ICE2: variants seen among roughly 807,000 people sequenced by gnomAD.
The protein encoded by ICE2 is interactor of little elongation complex ELL subunit 2.
ICE2 carries 87 observed loss-of-function variants against 105.4 expected under a neutral mutation model. The ratio of observed to expected loss-of-function variants is 0.83; its 90% CI spans 0.69 to 0.99. ICE2 has a LOEUF of 0.99. Ranked by LOEUF, ICE2 falls within the 50% of genes least tolerant of loss-of-function variation. The pLI, the probability that ICE2 is intolerant of heterozygous loss-of-function variation, is 0.00. For synonymous variants in ICE2, 399 were observed against 392.0 expected (o/e 1.02, Z -0.21); for missense variants, 1,323 against 1,146.7 (o/e 1.15, Z -2.22).
At chr15:60,475,518 TA>T (rs1230286982) in intron 3 of ICE2, among the ~76,000 whole-genome samples, 1 of 152,052 alleles carries the variant, frequency 6.6e-6, no homozygotes, top group Non-Finnish European at 1.5e-5. Flanking sequence ...TTAAATGAAT[TA>T]AAAGTACATC....
In ICE2 at chr15:60,475,699, C is replaced by T. The variant is rs566469710; in HGVS notation, c.146+364G>A. ...TTATATACCTGTATATGTATGTGTG[C>T]GTGTACACGTTATAAACAGTATACT... On this transcript the variant is annotated intron_variant, in intron 3 of 15. Coordinates refer to ENST00000261520, the MANE Select transcript of ICE2 (RefSeq NM_024611.6). Among the ~76,000 whole-genome samples the T allele has an allele frequency of 1.2e-4, 18 of 151,878 alleles. 1 individual carries two copies. The South Asian group carries it at 2.3e-3, about 19-fold the overall frequency.
At chr15:60,472,228 C>G (rs1045748989) in intron 3 of ICE2, among the ~76,000 whole-genome samples, 1 of 151,974 alleles carries the variant, frequency 6.6e-6, no homozygotes. Flanking sequence ...TGTAAAAACA[C>G]TATTCGAGTT....
At position 60,449,321 on chromosome 15, in the gene ICE2, T is replaced by C. The variant is rs774947120; in HGVS notation, c.1646A>G (p.Asp549Gly). 4 of 1,613,144 alleles carry C rather than the reference T, an allele frequency of 2.5e-6. No individual in the cohort carries two copies. The highest frequency in any genetic ancestry group is 3.4e-6 in the Non-Finnish European group (4 of 1,180,002). Residue 549 changes from aspartate to glycine, a missense_variant, in exon 10 of 16, where the codon GAC (aspartate) becomes GGC (glycine). By Grantham distance (94) the Asp-to-Gly change is moderately conservative. Coordinates refer to ENST00000261520, the MANE Select transcript of ICE2 (RefSeq NM_024611.6). ...GERPNVLENL[D>G]NSKEKTVGSE... Reference sequence around the variant, plus strand: ...TCCAACAGTCTTTTCCTTTGAGTTGTCTAGGTTTTCTAGAACATTAGGTCT... The same window carrying C: ...TCCAACAGTCTTTTCCTTTGAGTTGCCTAGGTTTTCTAGAACATTAGGTCT...
intron 12 of ICE2, chr15:60,440,894 G>A (rs1397904108): frequency 6.6e-6 from 1 of 152,100 alleles, no homozygotes; most frequent in Admixed American, 6.6e-5. Context: ...GAAATGAAAG[G>A]CTCACAAGAG....
At chr15:60,457,379 T>C (rs2064155008) in intron 5 of ICE2, among the ~76,000 whole-genome samples, 1 of 152,162 alleles carries the variant, frequency 6.6e-6, no homozygotes, top group African/African-American at 2.4e-5. Flanking sequence ...CTTCTGATAA[T>C]ATAGAAACAA....
chr15:60,424,851 T>A (rs2063306977), intron 15 of ICE2, among the ~76,000 whole-genome samples: 1 of 152,234 alleles, frequency 6.6e-6, no homozygotes, highest in Non-Finnish European at 1.5e-5. Context: ...TGTAGTCATG[T>A]TAAAGATGTG....
chr15:60,471,854 T>C (rs1422011223), intron 3 of ICE2, among the ~76,000 whole-genome samples: 2 of 152,060 alleles, frequency 1.3e-5, no homozygotes, highest in African/African-American at 4.8e-5. Context: ...AAGTACTGGT[T>C]TGGTAGCTTA....
At position 60,466,683 on chromosome 15, in the gene ICE2, T is replaced by A. The variant is rs1309192022; in HGVS notation, c.439A>T (p.Thr147Ser). 7 of 1,608,968 alleles carry A rather than the reference T, an allele frequency of 4.4e-6. No homozygotes were observed. Among genetic ancestry groups the A allele is most frequent in the Non-Finnish European group, 5.9e-6 (7 of 1,178,764 alleles). ...TTCTGCAAAAACTTTAGGAACTCAG[T>A]AACTTCTTCGTTCACATGTTTTTTC... Reference protein sequence around the residue: ...DMKKHVNEEVTEFLKFLQNSA... With the variant: ...DMKKHVNEEVSEFLKFLQNSA... The change falls in exon 5 of 16, where the codon ACT (threonine) becomes TCT (serine). Residue 147 changes from threonine to serine, a missense_variant. By Grantham distance (58) the Thr-to-Ser change is moderately conservative. Coordinates refer to ENST00000261520, the MANE Select transcript of ICE2 (RefSeq NM_024611.6).
chr15:60,436,172 TTC>T lies in ICE2; in HGVS notation c.2479_2480del (p.Glu827ArgfsTer16). On this transcript the variant is annotated frameshift_variant, in exon 13 of 16. Coordinates refer to ENST00000261520, the MANE Select transcript of ICE2 (RefSeq NM_024611.6). LOFTEE classifies it high-confidence loss of function. Reference protein sequence around the residue: ...KLFLLEEITSEELKEKLSALK... With the variant: ...KLFLLEEITSXELKEKLSALK... ...GTGCTGAAAGCTTTTCTTTTAATTCTTCTGAGGTAATTTCTTCCAGTAGAAAA... is the reference window on the plus strand; with the variant it reads ...GTGCTGAAAGCTTTTCTTTTAATTCTTGAGGTAATTTCTTCCAGTAGAAAA... The T allele has an allele frequency of 1.4e-6, 2 of 1,474,394 alleles. No individual in the cohort carries two copies. The highest frequency in any genetic ancestry group is 1.8e-6 in the Non-Finnish European group (2 of 1,095,726). The allele number at this position is 1,474,394 out of a possible 1,614,324, so 91.3% of individuals were successfully genotyped here.
rs189812536 is a variant in ICE2, at chr15:60,443,385, T to A, written c.2296-840A>T. Among the ~76,000 whole-genome samples the A allele has an allele frequency of 2.0e-5, 3 of 152,382 alleles. No individual in the cohort carries two copies. The South Asian group carries it at 6.2e-4, about 32-fold the overall frequency. ...TTATACTGTGTCACCATTTACAGAT[T>A]TGAAAATATTTCATCAGTATTTCTT... On this transcript the variant is annotated intron_variant, in intron 11 of 15. Coordinates refer to ENST00000261520, the MANE Select transcript of ICE2 (RefSeq NM_024611.6).
chr15:60,427,658 C>T (rs1009785339), intron 15 of ICE2, among the ~76,000 whole-genome samples: 6 of 152,172 alleles, frequency 3.9e-5, no homozygotes, highest in African/African-American at 1.4e-4. Context: ...CTCAAATGAT[C>T]CACCCGCCTT....
Position 60,456,780 on chromosome 15 carries a change from A to G in ICE2, c.543T>C (p.Ala181=). 1 of 1,495,578 alleles carries G rather than the reference A, an allele frequency of 6.7e-7. No individual in the cohort carries two copies. The highest frequency in any genetic ancestry group is 8.9e-7 in the Non-Finnish European group (1 of 1,123,034). The allele number at this position is 1,495,578 out of a possible 1,614,324, so 92.6% of individuals were successfully genotyped here. ...ARLFTEKILR[A]CIEQVKKYSE... ...AATACTTTTTCACTTGTTCAATGCA[A>G]GCTCTTAAAATTTTCTGAGAAACAG... is the stretch of plus-strand genomic sequence containing the variant. Residue 181 remains alanine (A), a synonymous_variant, in exon 6 of 16, where the codon GCT becomes GCC. Coordinates refer to ENST00000261520, the MANE Select transcript of ICE2 (RefSeq NM_024611.6).
intron 3 of ICE2, among the ~76,000 whole-genome samples, chr15:60,470,287 C>T (rs1223382248): frequency 6.6e-6 from 1 of 152,138 alleles, no homozygotes; most frequent in Admixed American, 6.5e-5. Flanking sequence ...CCAAAGTGAA[C>T]ACACCAAATA....
intron 8 of ICE2, 157 bp downstream of exon 8, chr15:60,454,846 C>A (rs2064057970): frequency 1.7e-6 from 1 of 577,962 alleles, no homozygotes; most frequent in Non-Finnish European, 2.9e-6. Context: ...CTAATGCTCT[C>A]TCTCACCTTG....
intron 5 of ICE2, among the ~76,000 whole-genome samples, chr15:60,463,227 C>T (rs1291306846): frequency 6.6e-6 from 1 of 152,250 alleles, no homozygotes; most frequent in East Asian, 1.9e-4. Flanking sequence ...GTATATCGAA[C>T]AGAAACGTGT....
At chr15:60,437,301 A>G (rs2063616566) in intron 12 of ICE2, among the ~76,000 whole-genome samples, 1 of 151,896 alleles carries the variant, frequency 6.6e-6, no homozygotes, top group African/African-American at 2.4e-5. Context: ...AAGATTTCCC[A>G]AAGTTAAAAA....
chr15:60,460,393 TAGGCCGAGGC>T (rs755649691), intron 5 of ICE2, among the ~76,000 whole-genome samples: 2 of 152,088 alleles, frequency 1.3e-5, no homozygotes, highest in African/African-American at 2.4e-5. Context: ...AGCTACTCGG[TAGGCCGAGGC>T]AGGAGAGTTG....
intron 13 of ICE2, 105 bp from the exon 14 acceptor site, chr15:60,432,089 C>G: frequency 1.8e-6 from 1 of 547,744 alleles, no homozygotes; most frequent in Middle Eastern, 3.8e-4. Flanking sequence ...ACAACAAAAA[C>G]AGCGGATGAG....
At chr15:60,430,574 T>C (rs2063434509) in intron 14 of ICE2, among the ~76,000 whole-genome samples, 3 of 152,266 alleles carry the variant, frequency 2.0e-5, no homozygotes, top group African/African-American at 4.8e-5. Context: ...GAACAGAATA[T>C]ATAAAATAAA....
Sources: gnomAD v4.1 joint callset for allele counts (sites outside exome capture counted in the v4.1 genomes callset) on GRCh38, gnomAD v4.1.1 for gene constraint, MANE v1.5 for transcripts, NCBI Gene and HGNC (gene_info 2026-07-23, HGNC 2026-07-21) for gene names.